Variants in SUPT3H observed in about 807,000 individuals in gnomAD.
SUPT3H encodes the protein SPT3 homolog, SAGA and STAGA complex component.
A neutral mutation model predicts 44.3 loss-of-function variants in SUPT3H; 44 were observed. That is an observed-to-expected ratio of 0.99 (90% CI 0.78 to 1.28). The LOEUF (loss-of-function observed/expected upper bound fraction) is 1.28. Among genes scored for constraint, SUPT3H ranks in the 50% most tolerant of loss-of-function variants. The probability of loss-of-function intolerance (pLI) is 0.00; values close to 1 mark genes in which losing one functional copy is unlikely to be tolerated. For missense variants in SUPT3H, 380 were observed against 387.1 expected (o/e 0.98, Z 0.15); for synonymous variants, 124 against 125.6 (o/e 0.99, Z 0.09).
rs1444678918 is a variant in SUPT3H at position 44,871,209 on chromosome 6, A to G, written c.913-41352T>C. ...CTCTGGGGGCAGGGCACAGACAAAC[A>G]AAAAGACAGCAGTAACCTCTGCAGA... On this transcript the variant is annotated intron_variant, in intron 10 of 10. Transcript: ENST00000371459. Among the ~76,000 whole-genome samples the G allele has an allele frequency of 2.5e-3, 354 of 143,362 alleles. 2 individuals are homozygous for G. Among genetic ancestry groups the G allele is most frequent in the Non-Finnish European group, 4.4e-3 (285 of 65,032 alleles). The allele number at this position is 143,362 out of a possible 152,430, so 94.1% of individuals were successfully genotyped here. A position where few individuals can be genotyped will look rare whatever the true frequency, so the allele number is the denominator to read the frequency against.
In SUPT3H at chr6:45,125,855, A is replaced by G. The variant is rs186182610; in HGVS notation, c.102-19849T>C. Among the ~76,000 whole-genome samples, 401 of 152,060 alleles carry G rather than the reference A, an allele frequency of 2.6e-3. 12 individuals are homozygous for G. The highest frequency in any genetic ancestry group is 8.4e-4 in the Non-Finnish European group (57 of 67,968). ...AAAAAAAAAAATCTTTCTGGTTTTA[A>G]AAGACTTCCAATAAAAGAAAGTCCA... On this transcript the variant is annotated intron_variant, in intron 2 of 10. Coordinates refer to ENST00000371459, the MANE Select transcript of SUPT3H (RefSeq NM_003599.4).
rs540966967 is a variant in SUPT3H, at chr6:44,815,817, G to A, written c.*53-6316C>T. 3.9e-5 allele frequency among the ~76,000 whole-genome samples: 6 copies of A among 151,948 alleles called. No homozygotes were observed. In the South Asian group the frequency reaches 1.0e-3, roughly 26 times the overall value. On this transcript the variant is annotated intron_variant and NMD_transcript_variant, in intron 11 of 11. Transcript: ENST00000475057. ...ACAGAAGAACTGAATAACACTGTTAGGTTGATGCAAAAGTAATCATGGTTT... is the reference window on the plus strand; with the variant it reads ...ACAGAAGAACTGAATAACACTGTTAAGTTGATGCAAAAGTAATCATGGTTT...
intron 9 of SUPT3H, among the ~76,000 whole-genome samples, chr6:44,953,077 A>C (rs1774558207): frequency 6.6e-6 from 1 of 152,340 alleles, no homozygotes; most frequent in East Asian, 1.9e-4. Context: ...AGGGGTAGGA[A>C]AGCTAAGTGA....
chr6:44,913,996 C>A (rs1220178616), intron 10 of SUPT3H, among the ~76,000 whole-genome samples: 27 of 151,926 alleles, frequency 1.8e-4, no homozygotes, highest in Admixed American at 1.8e-3. Context: ...TGAGTAAAAT[C>A]TGCCTTCATC....
chr6:45,099,265 G>C (rs1212139275), intron 3 of SUPT3H: 3 of 174,284 alleles, frequency 1.7e-5, no homozygotes, highest in Non-Finnish European at 3.6e-5. Context: ...GGAAACCCTA[G>C]CACACTATCA....
intron 3 of SUPT3H, among the ~76,000 whole-genome samples, chr6:45,078,197 C>G (rs182785257): frequency 6.6e-6 from 1 of 152,252 alleles, no homozygotes; most frequent in Admixed American, 6.5e-5. Flanking sequence ...TACCTCCTTT[C>G]TTCCTTTCAT....
chr6:45,164,110 T>C (rs191521876), intron 2 of SUPT3H, among the ~76,000 whole-genome samples: 71 of 152,194 alleles, frequency 4.7e-4, no homozygotes, highest in African/African-American at 1.7e-3. Context: ...TTGTTTCAGC[T>C]CTCACACAGA....
chr6:45,274,472 T>G (rs1776696893), intron 2 of SUPT3H, among the ~76,000 whole-genome samples: 1 of 152,236 alleles, frequency 6.6e-6, no homozygotes, highest in Non-Finnish European at 1.5e-5. Flanking sequence ...TATGATCCAC[T>G]TTAATATCTA....
chr6:45,117,595 T>C (rs545002387), intron 2 of SUPT3H, among the ~76,000 whole-genome samples: 3 of 152,192 alleles, frequency 2.0e-5, no homozygotes, highest in African/African-American at 7.2e-5. Flanking sequence ...CAAAGCATTC[T>C]AGAAAAACCA....
At chr6:44,859,611 C>A (rs1210400609) in intron 10 of SUPT3H, among the ~76,000 whole-genome samples, 1 of 152,094 alleles carries the variant, frequency 6.6e-6, no homozygotes, top group Admixed American at 6.6e-5. Flanking sequence ...AATACCCTGA[C>A]AAATGTGTTG....
At position 45,121,966 on chromosome 6, in the gene SUPT3H, G is replaced by A. The variant is rs186341420; in HGVS notation, c.102-15960C>T. On this transcript the variant is annotated intron_variant, in intron 2 of 10. Coordinates refer to ENST00000371459, the MANE Select transcript of SUPT3H (RefSeq NM_003599.4). ...GCTGGGATTACAGGCGTGAGCCACC[G>A]CACCTAGCCAGATGTGTTCTTTAAA... Among the ~76,000 whole-genome samples, 74 of 151,690 alleles carry A rather than the reference G, an allele frequency of 4.9e-4. 1 individual carries two copies. The East Asian group carries it at 0.012, about 25-fold the overall frequency.
intron 2 of SUPT3H, among the ~76,000 whole-genome samples, chr6:45,212,569 G>C (rs1764311114): frequency 6.9e-6 from 1 of 145,080 alleles, no homozygotes; most frequent in African/African-American, 2.5e-5. Flanking sequence ...CTACTCACTA[G>C]GTCCTATGAC....
At position 45,276,140 on chromosome 6, in the gene SUPT3H, GTTTAT is replaced by G. The variant is rs545667705; in HGVS notation, c.101+89056_101+89060del. On this transcript the variant is annotated intron_variant, in intron 2 of 10. Coordinates refer to ENST00000371459, the MANE Select transcript of SUPT3H (RefSeq NM_003599.4). ...ATATTCTGCTATTTACTGCATTACT[GTTTAT>G]TTTACCAAAAATGTCAACATACATA... Among the ~76,000 whole-genome samples, 594 of 151,908 alleles carry G rather than the reference GTTTAT, an allele frequency of 3.9e-3. 6 individuals are homozygous for G. Among genetic ancestry groups the G allele is most frequent in the African/African-American group, 0.014 (566 of 41,450 alleles).
intron 2 of SUPT3H, among the ~76,000 whole-genome samples, chr6:45,118,129 C>A (rs1324385202): frequency 6.6e-6 from 1 of 151,780 alleles, no homozygotes; most frequent in Admixed American, 6.6e-5. Flanking sequence ...AAATAATAAC[C>A]CTTTATAGAT....
chr6:44,837,098 T>G lies in SUPT3H; in HGVS notation c.913-7241A>C, dbSNP rs148938216. On this transcript the variant is annotated intron_variant, in intron 10 of 10. Coordinates refer to ENST00000371459, the MANE Select transcript of SUPT3H (RefSeq NM_003599.4). ...TTTTACAATCTTGGTTTTGTAGTCA[T>G]GTTACTCAACTGCATTTTCAAGGTC... Among the ~76,000 whole-genome samples, 543 of 152,302 alleles carry G rather than the reference T, an allele frequency of 3.6e-3. 7 individuals carry two copies. Among genetic ancestry groups the G allele is most frequent in the African/African-American group, 0.012 (507 of 41,568 alleles).
intron 2 of SUPT3H, among the ~76,000 whole-genome samples, chr6:45,281,317 G>A (rs192369235): frequency 6.6e-6 from 1 of 152,364 alleles, no homozygotes; most frequent in Non-Finnish European, 1.5e-5. Flanking sequence ...CGAAGCGCAA[G>A]GGGTCAGGGA....
intron 3 of SUPT3H, among the ~76,000 whole-genome samples, chr6:45,062,480 G>T (rs1430762116): frequency 2.6e-5 from 4 of 152,172 alleles, no homozygotes; most frequent in African/African-American, 9.7e-5. Context: ...AATAGGAACA[G>T]CTCCGGTCTA....
In SUPT3H at chr6:45,095,122, T is replaced by C. The variant is rs956925629; in HGVS notation, c.186+10800A>G. Among the ~76,000 whole-genome samples the C allele has an allele frequency of 6.6e-6, 1 of 152,156 alleles. No individual in the cohort carries two copies. Among genetic ancestry groups the C allele is most frequent in the Non-Finnish European group, 1.5e-5 (1 of 67,976 alleles). ...GTGTTCTGGTTTGCTGAACTACATA[T>C]ACATGCTCTGGCTTAGTACAAAGTA... On this transcript the variant is annotated intron_variant, in intron 3 of 10. Coordinates refer to ENST00000371459, the MANE Select transcript of SUPT3H (RefSeq NM_003599.4). This position sits in a 1 kb window ranked among gnomAD's most constrained non-coding sequence, Gnocchi z 4.1.
At chr6:44,912,100 T>C (rs1286091424) in intron 10 of SUPT3H, among the ~76,000 whole-genome samples, 1 of 152,188 alleles carries the variant, frequency 6.6e-6, no homozygotes, top group East Asian at 1.9e-4. Context: ...ATAAAATATA[T>C]ATAACAAAAT....
Sources: gnomAD v4.1 joint callset for allele counts (sites outside exome capture counted in the v4.1 genomes callset) on GRCh38, gnomAD v4.1.1 for gene constraint, Gnocchi (gnomAD v3.1) non-coding constraint, MANE v1.5 for transcripts, NCBI Gene and HGNC (gene_info 2026-07-23, HGNC 2026-07-21) for gene names.